Variants in ITGAE observed in about 807,000 individuals in gnomAD.
The protein encoded by ITGAE is integrin alpha-E.
In ITGAE, 99 loss-of-function variants were observed where a neutral mutation model predicts 136.5. The ratio of observed to expected loss-of-function variants is 0.73; its 90% CI spans 0.62 to 0.86. The LOEUF (loss-of-function observed/expected upper bound fraction) is 0.86. ITGAE is among the 40% of genes least tolerant of loss of function. The pLI is 0.00. For synonymous variants in ITGAE, 613 were observed against 591.8 expected, an observed-to-expected ratio of 1.04 and a Z score of -0.52; for missense variants, 1,447 against 1,515.3, an observed-to-expected ratio of 0.95 and a Z score of 0.75.
At chr17:3,785,423 C>T (rs888902150) in intron 1 of ITGAE, among the ~76,000 whole-genome samples, 4 of 149,694 alleles carry the variant, frequency 2.7e-5, no homozygotes, top group East Asian at 2.0e-4. Flanking sequence ...GAGCCGAGAT[C>T]GTGCCATTGC....
At position 3,720,347 on chromosome 17, in the gene ITGAE, G is replaced by A. The variant is rs2051023957; in HGVS notation, c.3293C>T (p.Ser1098Phe). ...QILGEISFNK[S>F]LYEGLNAENH... ...CTCTGCATTCAGTCCCTCATATAGA[G>A]ATTTGTTGAAAGATATTTCACCAAG... The change falls in exon 29 of 31, where the codon TCT (serine) becomes TTT (phenylalanine). Residue 1098 changes from serine to phenylalanine, a missense_variant. Physicochemically the swap from Ser to Phe is radical, Grantham distance 155 (BLOSUM62 -2). Transcript: ENST00000263087. The A allele has an allele frequency of 6.3e-7, 1 of 1,592,408 alleles. No homozygotes were observed. Among genetic ancestry groups the A allele is most frequent in the African/African-American group, 1.3e-5 (1 of 74,492 alleles).
chr17:3,767,135 C>T (rs1440823357), intron 2 of ITGAE, among the ~76,000 whole-genome samples: 3 of 150,526 alleles, frequency 2.0e-5, no homozygotes, highest in African/African-American at 4.9e-5. Context: ...TCACTCTTGT[C>T]GCCCAGGCTG....
At chr17:3,765,847 C>T (rs1220982161) in intron 2 of ITGAE, among the ~76,000 whole-genome samples, 1 of 152,204 alleles carries the variant, frequency 6.6e-6, no homozygotes, top group Non-Finnish European at 1.5e-5. Flanking sequence ...CCGGCACACT[C>T]TCCCTAGTGA....
Position 3,737,026 on chromosome 17 carries a change from G to A in ITGAE, c.2523-2077C>T, listed in dbSNP as rs75071638. Among the ~76,000 whole-genome samples the A allele has an allele frequency of 1.7e-3, 251 of 151,210 alleles. 1 individual carries two copies. The highest frequency in any genetic ancestry group is 6.0e-3 in the African/African-American group (247 of 41,358). On this transcript the variant is annotated intron_variant, in intron 20 of 30. Coordinates refer to ENST00000263087, the MANE Select transcript of ITGAE (RefSeq NM_002208.5). ...CAGTAGTGGATGCCTGGACACGGTG[G>A]CTCACGCCTGTAATCCCAGCACTTT...
rs1045144896 is a variant in ITGAE, at chr17:3,745,265, T to G, written c.2319+499A>C. Among the ~76,000 whole-genome samples, 134 of 152,294 alleles carry G rather than the reference T, an allele frequency of 8.8e-4. 2 individuals carry two copies. The highest frequency in any genetic ancestry group is 3.1e-3 in the African/African-American group (130 of 41,572). On this transcript the variant is annotated intron_variant, in intron 18 of 30. Coordinates refer to ENST00000263087, the MANE Select transcript of ITGAE (RefSeq NM_002208.5). ...ATAACGCATGCCAAGAACACTGGCA[T>G]TCCTGAGTTATTACCAAGAAAAACG...
At position 3,747,926 on chromosome 17, in the gene ITGAE, C is replaced by T. The variant is rs1567529494; in HGVS notation, c.2151G>A (p.Glu717=). The T allele has an allele frequency of 3.8e-6, 6 of 1,585,470 alleles. No individual in the cohort carries two copies. Among genetic ancestry groups the T allele is most frequent in the Non-Finnish European group, 4.3e-6 (5 of 1,162,120 alleles). The part of the protein sequence containing the change: ...FEISSVTTAS[E]SGLREALLNF... ...TCAGCTGGACCATTTTTTTACCTGACTCAGAGGCTGTGGTTACAGAGCTGA... is the reference window on the plus strand; with the variant it reads ...TCAGCTGGACCATTTTTTTACCTGATTCAGAGGCTGTGGTTACAGAGCTGA... Residue 717 remains glutamate (E), a synonymous_variant, in exon 17 of 31, where the codon GAG becomes GAA. Transcript: ENST00000263087.
intron 1 of ITGAE, among the ~76,000 whole-genome samples, chr17:3,797,159 T>TATATA (rs1567566801): frequency 3.1e-3 from 28 of 8,904 alleles, no homozygotes; most frequent in African/African-American, 0.01. Flanking sequence ...ATATATATAT[T>TATATA]TTTTTTTTTT....
chr17:3,796,024 TGTGTGC>T (rs2053076970), intron 1 of ITGAE, among the ~76,000 whole-genome samples: 1 of 128,314 alleles, frequency 7.8e-6, no homozygotes, highest in Admixed American at 8.2e-5. Context: ...CATGTGCGCG[TGTGTGC>T]GTGTGCATCC....
intron 1 of ITGAE, among the ~76,000 whole-genome samples, chr17:3,780,172 T>G (rs2052633275): frequency 8.6e-6 from 1 of 116,742 alleles, no homozygotes; most frequent in South Asian, 2.9e-4. Flanking sequence ...TGTTTATTTG[T>G]TTTTTTTTTT....
At chr17:3,788,767 T>TATTAAAATAATTATTTAAAAATAATA (rs2052863559) in intron 1 of ITGAE, among the ~76,000 whole-genome samples, 1 of 146,264 alleles carries the variant, frequency 6.8e-6, no homozygotes, top group Non-Finnish European at 1.5e-5. Context: ...AAATAATAAT[T>TATTAAAATAATTATTTAAAAATAATA]ATTAAAATAA....
rs1040691175 is a variant in ITGAE at position 3,761,029 on chromosome 17, C to G, written c.582G>C (p.Glu194Asp). 1 of 1,603,650 alleles carries G rather than the reference C, an allele frequency of 6.2e-7. No homozygotes were observed. Among genetic ancestry groups the G allele is most frequent in the Non-Finnish European group, 8.5e-7 (1 of 1,179,580 alleles). ...TCTTCTCACCAGCTTCCTCCTCCTCCTCGTCTTCCTCCTCCTCCTTGTCTT... is the reference window on the plus strand; with the variant it reads ...TCTTCTCACCAGCTTCCTCCTCCTCGTCGTCTTCCTCCTCCTCCTTGTCTT... ...EEEDKEEEED[E>D]EEEEAGTEIA... Residue 194 changes from glutamate to aspartate, a missense_variant, in exon 6 of 31, where the codon GAG (glutamate) becomes GAC (aspartate). Glu to Asp is a conservative substitution (Grantham distance 45). This residue lies in a region of ITGAE where 310 missense variants were observed against 416.1 expected (regional missense o/e 0.74). Transcript: ENST00000263087.
intron 1 of ITGAE, among the ~76,000 whole-genome samples, chr17:3,792,205 T>G (rs900386374): frequency 2.2e-4 from 34 of 152,200 alleles, no homozygotes; most frequent in African/African-American, 8.0e-4. Flanking sequence ...CACTGCAGCC[T>G]CTGCCTCCCG....
At position 3,729,495 on chromosome 17, in the gene ITGAE, G is replaced by A. The variant is rs747320321; in HGVS notation, c.2895C>T (p.Phe965=). 27 of 1,610,866 alleles carry A rather than the reference G, an allele frequency of 1.7e-5. No individual in the cohort carries two copies. The highest frequency in any genetic ancestry group is 1.6e-4 in the Middle Eastern group (1 of 6,078). Residue 965 remains phenylalanine, a synonymous_variant, in exon 24 of 31, where the codon TTC becomes TTT. Coordinates refer to ENST00000263087, the MANE Select transcript of ITGAE (RefSeq NM_002208.5). ...ETHTLQFRHG[F]VAVLSKPSIM... ...GTACTCACTTGGACAGAACTGCAAC[G>A]AAGCCATGCCTGAATTGAAGGGTGT...
Position 3,760,999 on chromosome 17 carries a change from C to T in ITGAE, c.598+14G>A. The T allele has an allele frequency of 1.3e-6, 2 of 1,595,464 alleles. No individual in the cohort carries two copies. The highest frequency in any genetic ancestry group is 8.5e-7 in the Non-Finnish European group (1 of 1,177,656). On this transcript the variant is annotated intron_variant, in intron 6 of 30. Transcript: ENST00000263087. ...CTGATAGACTCAGAGCAACCCAGAT[C>T]TGCCTCTTCTCACCAGCTTCCTCCT...
intron 26 of ITGAE, chr17:3,726,079 G>A: frequency 6.2e-7 from 1 of 1,614,174 alleles, no homozygotes. Context: ...ACCGGTGACG[G>A]TGACTACCAG....
Position 3,728,153 on chromosome 17 carries a change from G to C in ITGAE, c.2928C>G (p.Tyr976Ter). 2 of 1,612,612 alleles carry C rather than the reference G, an allele frequency of 1.2e-6. No individual in the cohort carries two copies. Among genetic ancestry groups the C allele is most frequent in the Non-Finnish European group, 1.7e-6 (2 of 1,178,666 alleles). Residue 976 changes from tyrosine (Y) to a stop codon, truncating the protein, a stop_gained, in exon 25 of 31, where the codon TAC (tyrosine) becomes TAG (stop). Coordinates refer to ENST00000263087, the MANE Select transcript of ITGAE (RefSeq NM_002208.5). LOFTEE classifies it high-confidence loss of function. ...VAVLSKPSIM[Y>*]VNTGQGLSHH... ...GAGAAAGCCCCTGGCCTGTGTTCAC[G>C]TACATTATGGATGGTCTGCAATTGA...
chr17:3,798,207 G>A lies in ITGAE; in HGVS notation c.34+2904C>T, dbSNP rs1327865323. The stretch of plus-strand genomic sequence containing the variant: ...CTTGGGCTGCCCCTCTGCCTGGAGT[G>A]CCCCTTCCCTACCCCCGTGCTGTGA... On this transcript the variant is annotated intron_variant, in intron 1 of 30. Coordinates refer to ENST00000263087, the MANE Select transcript of ITGAE (RefSeq NM_002208.5). This position sits in a 1 kb window ranked among gnomAD's most constrained non-coding sequence, Gnocchi z 4.3. 6.6e-6 allele frequency among the ~76,000 whole-genome samples: 1 copy of A among 152,104 alleles called. No homozygotes were observed. The highest frequency in any genetic ancestry group is 2.4e-5 in the African/African-American group (1 of 41,400).
chr17:3,791,637 G>A (rs2052943002), intron 1 of ITGAE, among the ~76,000 whole-genome samples: 2 of 152,090 alleles, frequency 1.3e-5, no homozygotes, highest in South Asian at 2.1e-4. Context: ...GAAATGACAC[G>A]ATGTTTGGGG....
chr17:3,753,525 A>G (rs1414321140), intron 13 of ITGAE, 95 bp from the exon 14 acceptor site: 7 of 1,466,318 alleles, frequency 4.8e-6, no homozygotes, highest in Admixed American at 2.1e-5. Context: ...GGACCACCCA[A>G]TTTGGGTCGT....
Sources: gnomAD v4.1 joint callset for allele counts (sites outside exome capture counted in the v4.1 genomes callset) on GRCh38, gnomAD v4.1.1 for gene constraint, gnomAD v4.1.1 regional missense constraint, Gnocchi (gnomAD v3.1) non-coding constraint, MANE v1.5 for transcripts, NCBI Gene and HGNC (gene_info 2026-07-23, HGNC 2026-07-21) for gene names.